Variants in DCST1 observed in about 807,000 individuals in gnomAD.
DCST1 encodes E3 ubiquitin-protein ligase DCST1.
DCST1 carries 78 observed loss-of-function variants against 89.1 expected under a neutral mutation model. The ratio of observed to expected loss-of-function variants is 0.88; its 90% CI spans 0.73 to 1.06. The LOEUF is 1.06. Ranked by LOEUF, DCST1 falls within the 50% of genes least tolerant of loss-of-function variation. The pLI is 0.00. For missense variants in DCST1, 900 were observed against 928.6 expected, an observed-to-expected ratio of 0.97 and a Z score of 0.40; for synonymous variants, 364 against 371.9, an observed-to-expected ratio of 0.98 and a Z score of 0.24.
chr1:155,050,856 C>A lies in DCST1; in HGVS notation c.2109C>A (p.Ala703=), dbSNP rs559295549. 3.1e-6 allele frequency: 5 copies of A among 1,610,006 alleles called. No individual in the cohort carries two copies. In the Admixed American group the frequency reaches 6.7e-5, roughly 21 times the overall value. Residue 703 remains alanine, a synonymous_variant, in exon 17 of 17, where the codon GCC becomes GCA. Coordinates refer to ENST00000295542, the MANE Select transcript of DCST1 (RefSeq NM_152494.4). ...TTAGTGACAGCAACGACGACACTGC[C>A]TACGCGGGGTGAAGAGGCGTCCTGC... The part of the protein sequence containing the change: ...SAFSDSNDDT[A]YAG
chr1:155,040,392 A>G, intron 5 of DCST1, 93 bp from the exon 6 acceptor site: 2 of 1,420,966 alleles, frequency 1.4e-6, no homozygotes. Context: ...GTATAGTTCT[A>G]GGCGATGGGC....
rs778729651 is a variant in DCST1, at chr1:155,045,926, C to T, written c.1206C>T (p.Asp402=). 15 of 1,614,108 alleles carry T rather than the reference C, an allele frequency of 9.3e-6. No individual in the cohort carries two copies. Among genetic ancestry groups the T allele is most frequent in the Admixed American group, 1.7e-5 (1 of 60,012 alleles). Residue 402 remains aspartate, a synonymous_variant, in exon 11 of 17, where the codon GAC becomes GAT. Transcript: ENST00000295542. ...SFSYMDSYNH[D]IRFDNIYIST... Reference sequence around the variant, plus strand: ...CCTACATGGACAGCTATAACCATGACATTCGTTTTGACAACATCTACATCA... The same window carrying T: ...CCTACATGGACAGCTATAACCATGATATTCGTTTTGACAACATCTACATCA...
intron 6 of DCST1, 38 bp downstream of exon 6, chr1:155,040,662 C>T: frequency 6.6e-7 from 1 of 1,518,474 alleles, no homozygotes; most frequent in Non-Finnish European, 8.9e-7. Context: ...GGGGGTCCCT[C>T]TCCCTGGGGC....
In DCST1 at chr1:155,041,484, T is replaced by C. The variant is rs1353450018; in HGVS notation, c.619T>C (p.Tyr207His). ...TGCCCAGGTGAATAGTGAGACGGGC[T>C]ACACGCCTGAGGATACCATGGACTC... ...LDAQVNSETGYTPEDTMDSGE... is the reference protein window; with the variant it reads ...LDAQVNSETGHTPEDTMDSGE... Residue 207 changes from tyrosine to histidine, a missense_variant, in exon 7 of 17, where the codon TAC (tyrosine) becomes CAC (histidine). Transcript: ENST00000295542. The C allele has an allele frequency of 6.2e-7, 1 of 1,614,074 alleles. No homozygotes were observed. Among genetic ancestry groups the C allele is most frequent in the East Asian group, 2.2e-5 (1 of 44,878 alleles).
In DCST1 at chr1:155,043,412, G is replaced by A. The variant is rs374800890; in HGVS notation, c.1075G>A (p.Val359Met). The A allele has an allele frequency of 1.2e-6, 2 of 1,611,650 alleles. No homozygotes were observed. The highest frequency in any genetic ancestry group is 1.1e-5 in the South Asian group (1 of 91,068). ...NTSWERVSTE[V>M]RDYVYRQEAR... ...AAGCTGGGAGCGCGTGAGCACCGAGGTGCGGGACTACGTGTACCGCCAGGA... is the reference window on the plus strand; with the variant it reads ...AAGCTGGGAGCGCGTGAGCACCGAGATGCGGGACTACGTGTACCGCCAGGA... The change falls in exon 10 of 17, where the codon GTG (valine) becomes ATG (methionine). Residue 359 changes from valine (V) to methionine (M), a missense_variant. Val to Met is a conservative substitution (Grantham distance 21, BLOSUM62 1). Transcript: ENST00000295542.
intron 4 of DCST1, among the ~76,000 whole-genome samples, chr1:155,036,146 C>T (rs1660274982): frequency 6.6e-6 from 1 of 151,874 alleles, no homozygotes; most frequent in African/African-American, 2.4e-5. Context: ...AGTAGACTTC[C>T]TCACATCTCT....
In DCST1 at chr1:155,050,883, C is replaced by T. The variant is rs1182133052; in HGVS notation, c.*15C>T. On this transcript the variant is annotated 3_prime_UTR_variant, in exon 17 of 17. Transcript: ENST00000295542. ...ACGCGGGGTGAAGAGGCGTCCTGCT[C>T]GCTCTTCCGCACCGTCCTTCCCGGT... The T allele has an allele frequency of 3.1e-6, 5 of 1,605,178 alleles. No homozygotes were observed. In the South Asian group the frequency reaches 5.5e-5, roughly 18 times the overall value.
chr1:155,039,653 G>C lies in DCST1; in HGVS notation c.391+122G>C, dbSNP rs1410846186. On this transcript the variant is annotated intron_variant, in intron 5 of 16. Transcript: ENST00000295542. ...GTCATCCCAGCTGCTCTAACTCACT[G>C]TATGTCCCTGAGGGAGCTCCTCCCC... 3.1e-6 allele frequency: 4 copies of C among 1,310,856 alleles called. No individual in the cohort carries two copies. In the African/African-American group the frequency reaches 4.5e-5, roughly 15 times the overall value. The allele number at this position is 1,310,856 out of a possible 1,614,324, so 81.2% of individuals were successfully genotyped here.
chr1:155,035,799 G>A (rs1660264252), intron 4 of DCST1, among the ~76,000 whole-genome samples: 1 of 151,846 alleles, frequency 6.6e-6, no homozygotes, highest in South Asian at 2.1e-4. Context: ...ATGTGGTGGT[G>A]CACACCTGTA....
chr1:155,043,233 G>A (rs1660488078), intron 9 of DCST1, 119 bp from the exon 10 acceptor site: 2 of 1,453,438 alleles, frequency 1.4e-6, no homozygotes, highest in East Asian at 4.6e-5. Flanking sequence ...AACTCCTAGA[G>A]GTCCTGGGAG....
chr1:155,043,889 T>C (rs765517435), intron 10 of DCST1, among the ~76,000 whole-genome samples: 18 of 152,332 alleles, frequency 1.2e-4, no homozygotes, highest in Non-Finnish European at 2.5e-4. Context: ...GCCTGCTGCG[T>C]TGGCAGCGAC....
At position 155,041,766 on chromosome 1, in the gene DCST1, T is replaced by G. The variant is rs754649028; in HGVS notation, c.801T>G (p.His267Gln). Residue 267 changes from histidine to glutamine, a missense_variant, in exon 8 of 17, where the codon CAT becomes CAG. Coordinates refer to ENST00000295542, the MANE Select transcript of DCST1 (RefSeq NM_152494.4). ...LSCRRWFDRK[H>Q]EQCMKHIWVP... is the part of the protein sequence containing the mutation. ...GCCGTCGTTGGTTTGACCGCAAGCA[T>G]GAACAGTGCATGAAGCACATCTGGG... is the stretch of plus-strand genomic sequence containing the variant. 1 of 1,614,102 alleles carries G rather than the reference T, an allele frequency of 6.2e-7. No individual in the cohort carries two copies. The highest frequency in any genetic ancestry group is 8.5e-7 in the Non-Finnish European group (1 of 1,180,054).
chr1:155,034,068 G>A lies in DCST1; in HGVS notation c.32G>A (p.Arg11Lys), dbSNP rs1317127841. The stretch of plus-strand genomic sequence containing the variant: ...ATTAAACATCATCAGAATGGCACAA[G>A]AGGGCAAAGAAGAAAACAGCCTCAT... MDIKHHQNGT[R>K]GQRRKQPHTT... Residue 11 changes from arginine to lysine, a missense_variant, in exon 2 of 17, where the codon AGA becomes AAA. By Grantham distance (26) the Arg-to-Lys change is conservative. Coordinates refer to ENST00000295542, the MANE Select transcript of DCST1 (RefSeq NM_152494.4). The A allele has an allele frequency of 6.2e-7, 1 of 1,614,026 alleles. No individual in the cohort carries two copies. Among genetic ancestry groups the A allele is most frequent in the Non-Finnish European group, 8.5e-7 (1 of 1,180,040 alleles).
chr1:155,049,093 G>A (rs1292056263), intron 16 of DCST1: 1 of 716,810 alleles, frequency 1.4e-6, no homozygotes, highest in Non-Finnish European at 2.6e-6. Flanking sequence ...GTGGTCAGGT[G>A]TGGGACTCCG....
chr1:155,050,641 C>A lies in DCST1; in HGVS notation c.1894C>A (p.His632Asn), dbSNP rs759333155. Residue 632 changes from histidine (H) to asparagine (N), a missense_variant, in exon 17 of 17, where the codon CAC becomes AAC. His to Asn is a moderately conservative substitution (Grantham distance 68, BLOSUM62 1). Transcript: ENST00000295542. ...GCGCCACCCGCTGGCGGATATCCTG[C>A]ACCGCGGCTGCCCGCTCCTGCGCCG... Reference protein sequence around the residue: ...APRHPLADILHRGCPLLRRWL... With the variant: ...APRHPLADILNRGCPLLRRWL... 2.3e-5 allele frequency: 37 copies of A among 1,594,302 alleles called. No individual in the cohort carries two copies. In the Admixed American group the frequency reaches 3.9e-4, roughly 17 times the overall value.
intron 4 of DCST1, among the ~76,000 whole-genome samples, chr1:155,037,010 C>T (rs1448686267): frequency 3.3e-5 from 5 of 151,620 alleles, no homozygotes; most frequent in African/African-American, 1.2e-4. Flanking sequence ...TATCCTCCCG[C>T]CTCTGCCTCC....
At chr1:155,047,121 C>T in intron 13 of DCST1, 75 bp from the exon 14 acceptor site, 1 of 1,209,422 alleles carries the variant, frequency 8.3e-7, no homozygotes, top group South Asian at 1.2e-5. Context: ...TGACCCCTCC[C>T]TGACATCCAC....
Position 155,034,657 on chromosome 1 carries a change from C to T in DCST1, c.192C>T (p.Leu64=), listed in dbSNP as rs1660214115. Reference sequence around the variant, plus strand: ...GGCTTGACCTTGTGCCCTTAGGTCTCTTTCAGCTCCTGGTGAACCCCATGA... The same window carrying T: ...GGCTTGACCTTGTGCCCTTAGGTCTTTTTCAGCTCCTGGTGAACCCCATGA... The part of the protein sequence containing the change: ...AGAGGLLAIG[L]FQLLVNPMNI... The change falls in exon 4 of 17, where the codon CTC becomes CTT. Residue 64 remains leucine, a synonymous_variant. Coordinates refer to ENST00000295542, the MANE Select transcript of DCST1 (RefSeq NM_152494.4). 1.2e-6 allele frequency: 2 copies of T among 1,614,198 alleles called. No homozygotes were observed. Among genetic ancestry groups the T allele is most frequent in the East Asian group, 2.2e-5 (1 of 44,884 alleles).
At chr1:155,045,485 C>A in intron 10 of DCST1, 1 of 212,726 alleles carries the variant, frequency 4.7e-6, no homozygotes, top group South Asian at 6.9e-5. Flanking sequence ...ATTTGTGAGT[C>A]ACAGTGGATT....
Sources: gnomAD v4.1 joint callset for allele counts (sites outside exome capture counted in the v4.1 genomes callset) on GRCh38, gnomAD v4.1.1 for gene constraint, MANE v1.5 for transcripts, NCBI Gene and HGNC (gene_info 2026-07-23, HGNC 2026-07-21) for gene names.